ZNF213: variants seen among roughly 807,000 people sequenced by gnomAD.
The protein encoded by ZNF213 is zinc finger protein 213.
A neutral mutation model predicts 46.0 loss-of-function variants in ZNF213; 32 were observed. The ratio of observed to expected loss-of-function variants is 0.70; its 90% confidence interval spans 0.52 to 0.93. ZNF213 has a LOEUF of 0.93. Among genes scored for constraint, ZNF213 ranks in the 40% least tolerant of loss-of-function variants. ZNF213 has a pLI of 0.00. For synonymous variants in ZNF213, 297 were observed against 271.0 expected, an observed-to-expected ratio of 1.10 and a Z score of -0.94; for missense variants, 639 against 652.8, an observed-to-expected ratio of 0.98 and a Z score of 0.23.
rs1385071829 is a variant in ZNF213, at chr16:3,141,077, GAAGCCCTTCTCCTGTTCCGAGTGCGGC to G, written c.1114_1140del (p.Pro372_Lys380del). On this transcript the variant is annotated inframe_deletion, in exon 6 of 6. Coordinates refer to ENST00000396878, the MANE Select transcript of ZNF213 (RefSeq NM_004220.3). ...GCCACCAAGGCGTGCACACGGGCGA[GAAGCCCTTCTCCTGTTCCGAGTGCGGC>G]AAGAGCTTCAGCCGCAGCGCCTACC... 6.2e-7 allele frequency: 1 copy of G among 1,613,382 alleles called. No homozygotes were observed. The highest frequency in any genetic ancestry group is 8.5e-7 in the Non-Finnish European group (1 of 1,179,882).
In ZNF213 at chr16:3,141,467, T is replaced by C. The variant is rs1264451943; in HGVS notation, c.*120T>C. 4.2e-6 allele frequency: 5 copies of C among 1,190,014 alleles called. No homozygotes were observed. In the East Asian group the frequency reaches 7.8e-5, roughly 19 times the overall value. The allele number at this position is 1,190,014 out of a possible 1,614,324, so 73.7% of individuals were successfully genotyped here. Reference sequence around the variant, plus strand: ...CCGGGCTGTCCGAGGGACCCCAGGGTACCTCACACTCGGAGCTCGCCTGCC... The same window carrying C: ...CCGGGCTGTCCGAGGGACCCCAGGGCACCTCACACTCGGAGCTCGCCTGCC... On this transcript the variant is annotated 3_prime_UTR_variant, in exon 6 of 6. Coordinates refer to ENST00000396878, the MANE Select transcript of ZNF213 (RefSeq NM_004220.3).
intron 2 of ZNF213, 71 bp downstream of exon 2, chr16:3,137,750 A>C (rs1352899124): frequency 6.5e-7 from 1 of 1,541,794 alleles, no homozygotes; most frequent in South Asian, 1.2e-5. Flanking sequence ...TAACCTGCAG[A>C]GATAAGTCTC....
chr16:3,140,688 G>A lies in ZNF213; in HGVS notation c.722-1G>A, dbSNP rs1346807985. The A allele has an allele frequency of 6.7e-7, 1 of 1,502,054 alleles. No individual in the cohort carries two copies. Among genetic ancestry groups the A allele is most frequent in the Non-Finnish European group, 8.8e-7 (1 of 1,130,470 alleles). 93.0% of individuals were successfully genotyped at this position (1,502,054 alleles called of 1,614,324 possible). A position where few individuals can be genotyped will look rare whatever the true frequency, so the allele number is the denominator to read the frequency against. On this transcript the variant is annotated splice_acceptor_variant, in intron 5 of 5. Coordinates refer to ENST00000396878, the MANE Select transcript of ZNF213 (RefSeq NM_004220.3). LOFTEE classifies it high-confidence loss of function. ...AAGAGGTCGCCTCCTTCCCCTTGCA[G>A]GTTTTGGGCTCAAAGGCCAAAGTGA... is the stretch of plus-strand genomic sequence containing the variant.
In ZNF213 at chr16:3,141,207, T is replaced by A; in HGVS notation, c.1240T>A (p.Ser414Thr). The change falls in exon 6 of 6, where the codon TCC becomes ACC. Residue 414 changes from serine (S) to threonine (T), a missense_variant. Coordinates refer to ENST00000396878, the MANE Select transcript of ZNF213 (RefSeq NM_004220.3). ...CTGCGGCAAGAGCTTCTCGCTGCGC[T>A]CCTACCTGCTGGACCATCGGCGTGT... ...SDCGKSFSLR[S>T]YLLDHRRVHT... is the part of the protein sequence containing the mutation. 1 of 1,612,566 alleles carries A rather than the reference T, an allele frequency of 6.2e-7. No homozygotes were observed.
chr16:3,135,797 G>A (rs1738440632), intron 1 of ZNF213, among the ~76,000 whole-genome samples: 1 of 151,032 alleles, frequency 6.6e-6, no homozygotes, highest in Non-Finnish European at 1.5e-5. Flanking sequence ...TTTTTATTAA[G>A]ATGGTTTGTA....
rs1467084387 is a variant in ZNF213, at chr16:3,135,297, G to C, written c.-206G>C. The C allele has an allele frequency of 6.6e-6, 1 of 152,296 alleles. No individual in the cohort carries two copies. Among genetic ancestry groups the C allele is most frequent in the African/African-American group, 2.4e-5 (1 of 41,428 alleles). The allele number at this position is 152,296 out of a possible 1,614,324, so 9.4% of individuals were successfully genotyped here. ...CCCCGGCAGACGCCCCTGTACGATC[G>C]CCGCTCGCCCCGCGGGCGAGGCTGC... On this transcript the variant is annotated 5_prime_UTR_variant, in exon 1 of 6. Transcript: ENST00000396878.
rs773532404 is a variant in ZNF213, at chr16:3,141,227, G to A, written c.1260G>A (p.Arg420=). The change falls in exon 6 of 6, where the codon CGG becomes CGA. Residue 420 remains arginine (R), a synonymous_variant. Coordinates refer to ENST00000396878, the MANE Select transcript of ZNF213 (RefSeq NM_004220.3). ...TGCGCTCCTACCTGCTGGACCATCGGCGTGTGCACACCGGTGAGCGGCCCT... is the reference window on the plus strand; with the variant it reads ...TGCGCTCCTACCTGCTGGACCATCGACGTGTGCACACCGGTGAGCGGCCCT... ...FSLRSYLLDH[R]RVHTGERPFG... 5.0e-6 allele frequency: 8 copies of A among 1,612,646 alleles called. 1 individual carries two copies. Among genetic ancestry groups the A allele is most frequent in the Non-Finnish European group, 5.1e-6 (6 of 1,179,928 alleles).
chr16:3,141,083 C>T lies in ZNF213; in HGVS notation c.1116C>T (p.Pro372=), dbSNP rs199630971. 2.5e-5 allele frequency: 40 copies of T among 1,612,932 alleles called. No homozygotes were observed. In the East Asian group the frequency reaches 7.8e-4, roughly 31 times the overall value. The part of the protein sequence containing the change: ...RHQGVHTGEK[P]FSCSECGKSF... ...AAGGCGTGCACACGGGCGAGAAGCC[C>T]TTCTCCTGTTCCGAGTGCGGCAAGA... Residue 372 remains proline (P), a synonymous_variant, in exon 6 of 6, where the codon CCC becomes CCT. Coordinates refer to ENST00000396878, the MANE Select transcript of ZNF213 (RefSeq NM_004220.3).
Position 3,141,139 on chromosome 16 carries a change from A to G in ZNF213, c.1172A>G (p.His391Arg). Residue 391 changes from histidine to arginine, a missense_variant, in exon 6 of 6, where the codon CAC becomes CGC. His to Arg is a conservative substitution (Grantham distance 29). Coordinates refer to ENST00000396878, the MANE Select transcript of ZNF213 (RefSeq NM_004220.3). ...SFSRSAYLADHQRIHTGEKPF... is the reference protein window; with the variant it reads ...SFSRSAYLADRQRIHTGEKPF... Reference sequence around the variant, plus strand: ...AGCCGCAGCGCCTACCTGGCCGACCACCAGCGCATACACACGGGCGAGAAG... The same window carrying G: ...AGCCGCAGCGCCTACCTGGCCGACCGCCAGCGCATACACACGGGCGAGAAG... 6.2e-7 allele frequency: 1 copy of G among 1,612,434 alleles called. No individual in the cohort carries two copies. Among genetic ancestry groups the G allele is most frequent in the Non-Finnish European group, 8.5e-7 (1 of 1,179,536 alleles).
chr16:3,141,368 C>T lies in ZNF213; in HGVS notation c.*21C>T. ...GGTGAGCAGCTGGCTTGGCCGGAAA[C>T]CCGGGGGAGGCCCAGCCACGGCACA... On this transcript the variant is annotated 3_prime_UTR_variant, in exon 6 of 6. Transcript: ENST00000396878. 1.3e-6 allele frequency: 2 copies of T among 1,523,944 alleles called. No homozygotes were observed. Among genetic ancestry groups the T allele is most frequent in the Non-Finnish European group, 1.8e-6 (2 of 1,141,620 alleles). 94.4% of individuals were successfully genotyped at this position (1,523,944 alleles called of 1,614,324 possible).
At position 3,137,565 on chromosome 16, in the gene ZNF213, A is replaced by T. The variant is rs767484983; in HGVS notation, c.285A>T (p.Thr95=). ...LELLVLEQFL[T]VLPGEIQGWV... ...TGCTGGTGCTGGAGCAGTTCCTGAC[A>T]GTGCTGCCAGGGGAGATCCAGGGCT... Residue 95 remains threonine, a synonymous_variant, in exon 2 of 6, where the codon ACA becomes ACT. Coordinates refer to ENST00000396878, the MANE Select transcript of ZNF213 (RefSeq NM_004220.3). The T allele has an allele frequency of 6.2e-7, 1 of 1,614,082 alleles. No homozygotes were observed. Among genetic ancestry groups the T allele is most frequent in the Non-Finnish European group, 8.5e-7 (1 of 1,180,036 alleles).
chr16:3,141,538 C>G lies in ZNF213; in HGVS notation c.*191C>G, dbSNP rs1342790698. Reference sequence around the variant, plus strand: ...GCCCAGCGCTCAAAGGGAACGGAAGCCTTCCCCTCCCGCCCCCGATCTTGT... The same window carrying G: ...GCCCAGCGCTCAAAGGGAACGGAAGGCTTCCCCTCCCGCCCCCGATCTTGT... On this transcript the variant is annotated 3_prime_UTR_variant, in exon 6 of 6. Transcript: ENST00000396878. 8 of 595,960 alleles carry G rather than the reference C, an allele frequency of 1.3e-5. No homozygotes were observed. Among genetic ancestry groups the G allele is most frequent in the African/African-American group, 1.3e-4 (7 of 52,784 alleles). The allele number at this position is 595,960 out of a possible 1,614,324, so 36.9% of individuals were successfully genotyped here. A position where few individuals can be genotyped will look rare whatever the true frequency, so the allele number is the denominator to read the frequency against.
intron 3 of ZNF213, 88 bp from the exon 4 acceptor site, chr16:3,138,657 G>T (rs185306519): frequency 1.2e-6 from 2 of 1,608,408 alleles, no homozygotes; most frequent in African/African-American, 2.7e-5. Context: ...AGTCCAGGGC[G>T]TGTGTGCATG....
At chr16:3,136,456 G>T (rs1046050436) in intron 1 of ZNF213, among the ~76,000 whole-genome samples, 4 of 152,160 alleles carry the variant, frequency 2.6e-5, no homozygotes, top group African/African-American at 9.7e-5. Flanking sequence ...AGTGGCTCAC[G>T]CCTGTAATCC....
chr16:3,140,620 T>G, intron 5 of ZNF213, 69 bp from the exon 6 acceptor site: 1 of 1,442,024 alleles, frequency 6.9e-7, no homozygotes, highest in Non-Finnish European at 9.1e-7. Context: ...CCAGCCTTGT[T>G]TCTTCCTCAC....
In ZNF213 at chr16:3,137,507, C is replaced by G; in HGVS notation, c.227C>G (p.Pro76Arg). The change falls in exon 2 of 6, where the codon CCC becomes CGC. Residue 76 changes from proline to arginine, a missense_variant. Transcript: ENST00000396878. ...GAGCTCTGCTGCCGCTGGCTGCGGC[C>G]CGAGCTGCGTACCAAGGAGCAGATC... is the stretch of plus-strand genomic sequence containing the variant. ...LWELCCRWLRPELRTKEQILE... is the reference protein window; with the variant it reads ...LWELCCRWLRRELRTKEQILE... 2 of 1,613,988 alleles carry G rather than the reference C, an allele frequency of 1.2e-6. No individual in the cohort carries two copies. Among genetic ancestry groups the G allele is most frequent in the Non-Finnish European group, 1.7e-6 (2 of 1,180,036 alleles).
chr16:3,137,410 T>C lies in ZNF213; in HGVS notation c.130T>C (p.Cys44Arg), dbSNP rs1291875166. The C allele has an allele frequency of 6.2e-7, 1 of 1,613,878 alleles. No homozygotes were observed. The highest frequency in any genetic ancestry group is 8.5e-7 in the Non-Finnish European group (1 of 1,180,056). The stretch of plus-strand genomic sequence containing the variant: ...TGAGGATGGCAGGGATTCCGAAGCC[T>C]GCCGCCAGCGCTTCCGGCAATTCTG... ...QHEDGRDSEA[C>R]RQRFRQFCYG... The change falls in exon 2 of 6, where the codon TGC becomes CGC. Residue 44 changes from cysteine to arginine, a missense_variant. Cys to Arg is a radical substitution (Grantham distance 180, BLOSUM62 -3). Transcript: ENST00000396878.
intron 1 of ZNF213, among the ~76,000 whole-genome samples, 153 bp from the exon 2 acceptor site, chr16:3,137,013 G>A (rs1411238822): frequency 6.6e-6 from 1 of 152,174 alleles, no homozygotes; most frequent in African/African-American, 2.4e-5. Context: ...GTGTTAATAG[G>A]AGAGACAGTC....
In ZNF213 at chr16:3,141,145, G is replaced by C; in HGVS notation, c.1178G>C (p.Arg393Pro). Reference protein sequence around the residue: ...SRSAYLADHQRIHTGEKPFGC... With the variant: ...SRSAYLADHQPIHTGEKPFGC... ...AGCGCCTACCTGGCCGACCACCAGC[G>C]CATACACACGGGCGAGAAGCCTTTC... Residue 393 changes from arginine (R) to proline (P), a missense_variant, in exon 6 of 6, where the codon CGC (arginine) becomes CCC (proline). Coordinates refer to ENST00000396878, the MANE Select transcript of ZNF213 (RefSeq NM_004220.3). 1 of 1,612,164 alleles carries C rather than the reference G, an allele frequency of 6.2e-7. No homozygotes were observed. Among genetic ancestry groups the C allele is most frequent in the South Asian group, 1.1e-5 (1 of 91,058 alleles).
Sources: allele counts gnomAD v4.1 joint callset (sites outside exome capture counted in the v4.1 genomes callset), GRCh38; gene constraint gnomAD v4.1.1; transcripts MANE v1.5; gene names NCBI Gene and HGNC (gene_info 2026-07-23, HGNC 2026-07-21).